The following CRACDL variants were observed in gnomAD, a reference collection of about 807,000 sequenced individuals.
CRACDL encodes CRACD-like protein.
CRACDL carries 26 observed loss-of-function variants against 70.6 expected under a neutral mutation model. That is an observed-to-expected ratio of 0.37 (90% CI 0.27 to 0.51). The LOEUF (loss-of-function observed/expected upper bound fraction) is 0.51, where lower values mean the gene tolerates loss of function less well. CRACDL is among the 20% of genes least tolerant of loss of function. The pLI, the probability that CRACDL is intolerant of heterozygous loss-of-function variation, is 0.94. For missense variants in CRACDL, 1,283 were observed against 1,376.9 expected, an observed-to-expected ratio of 0.93 and a Z score of 1.08; for synonymous variants, 618 against 615.2, an observed-to-expected ratio of 1.00 and a Z score of -0.07.
chr2:98,832,247 C>T (rs1705572861), intron 5 of CRACDL, 101 bp downstream of exon 5: 8 of 1,313,236 alleles, frequency 6.1e-6, no homozygotes, highest in Non-Finnish European at 7.7e-6. Flanking sequence ...ACACCATGCA[C>T]AGCCTGGAGA....
At chr2:98,883,077 A>G (rs1450445512) in intron 1 of CRACDL, among the ~76,000 whole-genome samples, 1 of 152,246 alleles carries the variant, frequency 6.6e-6, no homozygotes, top group Non-Finnish European at 1.5e-5. Flanking sequence ...GAAGCGTCTT[A>G]GAGTGAGACA....
chr2:98,850,172 AC>A (rs1706424225), intron 1 of CRACDL, among the ~76,000 whole-genome samples: 1 of 152,082 alleles, frequency 6.6e-6, no homozygotes, highest in African/African-American at 2.4e-5. Flanking sequence ...TTTCCAGCTG[AC>A]CCCTGTGCTT....
chr2:98,922,893 C>G (rs1447945115), intron 1 of CRACDL, among the ~76,000 whole-genome samples: 1 of 152,076 alleles, frequency 6.6e-6, no homozygotes, highest in African/African-American at 2.4e-5. Flanking sequence ...TGCCTGGAAG[C>G]TAAAAAGAAA....
intron 1 of CRACDL, among the ~76,000 whole-genome samples, chr2:98,896,953 G>C (rs12712040): frequency 0.35 from 53,541 of 151,914 alleles, 9,701 homozygotes; most frequent in African/African-American, 0.4. Context: ...AATATTTTGC[G>C]TTATTTCTAA....
At chr2:98,890,013 C>T (rs1043581685) in intron 1 of CRACDL, among the ~76,000 whole-genome samples, 2 of 152,030 alleles carry the variant, frequency 1.3e-5, no homozygotes, top group Non-Finnish European at 2.9e-5. Flanking sequence ...TAAAACAATG[C>T]TTGCAAGGAT....
At chr2:98,810,686 G>A (rs938670726) in intron 7 of CRACDL, among the ~76,000 whole-genome samples, 1 of 152,214 alleles carries the variant, frequency 6.6e-6, no homozygotes, top group Admixed American at 6.5e-5. Context: ...TGGAAGAAGT[G>A]TAAACCAGCA....
At chr2:98,877,841 G>C (rs1707526699) in intron 1 of CRACDL, among the ~76,000 whole-genome samples, 1 of 152,028 alleles carries the variant, frequency 6.6e-6, no homozygotes, top group African/African-American at 2.4e-5. Context: ...TCATATCCTA[G>C]GCTTTCATAT....
In CRACDL at chr2:98,832,888, C is replaced by A. The variant is rs753505052; in HGVS notation, c.349G>T (p.Val117Leu). The change falls in exon 4 of 10, where the codon GTG (valine) becomes TTG (leucine). Residue 117 changes from valine to leucine, a missense_variant. This residue lies in a region of CRACDL where 362 missense variants were observed against 495.0 expected (regional missense o/e 0.73). Transcript: ENST00000397899. ...TGCAGAGCTTTAATCCGATCACACA[C>A]ATTTTCTTGGGAAAACACCCGCACA... ...RPVRVFSQEN[V>L]CDRIKALQLK... is the part of the protein sequence containing the mutation. 2 of 1,614,090 alleles carry A rather than the reference C, an allele frequency of 1.2e-6. No homozygotes were observed. Among genetic ancestry groups the A allele is most frequent in the Non-Finnish European group, 8.5e-7 (1 of 1,180,040 alleles).
chr2:98,910,840 C>T (rs1708530175), intron 1 of CRACDL, among the ~76,000 whole-genome samples: 1 of 152,196 alleles, frequency 6.6e-6, no homozygotes, highest in Admixed American at 6.5e-5. Flanking sequence ...AATGTGGTGC[C>T]TCCTCTTACG....
At chr2:98,868,321 G>A (rs1331867813) in intron 1 of CRACDL, among the ~76,000 whole-genome samples, 2 of 152,262 alleles carry the variant, frequency 1.3e-5, no homozygotes, top group African/African-American at 2.4e-5. Context: ...TCCCAAGACC[G>A]TTCGCCCAGC....
At chr2:98,832,286 A>C (rs925796312) in intron 5 of CRACDL, 62 bp downstream of exon 5, 1 of 1,580,114 alleles carries the variant, frequency 6.3e-7, no homozygotes, top group African/African-American at 1.3e-5. Context: ...GGGATCTCAG[A>C]GCTCCAGCAC....
chr2:98,843,760 G>C (rs1010573385), intron 2 of CRACDL, among the ~76,000 whole-genome samples: 2 of 152,048 alleles, frequency 1.3e-5, no homozygotes, highest in African/African-American at 2.4e-5. Flanking sequence ...CTTGATTACT[G>C]CAGCTTTATA....
At chr2:98,807,151 T>C (rs376175533) in intron 7 of CRACDL, among the ~76,000 whole-genome samples, 10 of 152,320 alleles carry the variant, frequency 6.6e-5, no homozygotes, top group Admixed American at 1.3e-4. Flanking sequence ...TGGAACAAAG[T>C]GACTTGTCCA....
intron 1 of CRACDL, among the ~76,000 whole-genome samples, chr2:98,853,356 A>G (rs1706559663): frequency 1.3e-5 from 2 of 152,256 alleles, no homozygotes; most frequent in African/African-American, 2.4e-5. Flanking sequence ...TAGAAAACAA[A>G]GAACAACCCA....
chr2:98,867,918 A>G (rs1707207161), intron 1 of CRACDL, among the ~76,000 whole-genome samples: 1 of 152,168 alleles, frequency 6.6e-6, no homozygotes, highest in African/African-American at 2.4e-5. Context: ...TATGACTGAC[A>G]TTTCTGCAGC....
chr2:98,914,204 A>C (rs1708611986), intron 1 of CRACDL, among the ~76,000 whole-genome samples: 1 of 152,188 alleles, frequency 6.6e-6, no homozygotes, highest in Non-Finnish European at 1.5e-5. Context: ...GTGTTGGTGA[A>C]GCTCTTCACT....
chr2:98,808,626 G>A (rs573874809), intron 7 of CRACDL, among the ~76,000 whole-genome samples: 1 of 152,122 alleles, frequency 6.6e-6, no homozygotes, highest in Non-Finnish European at 1.5e-5. Flanking sequence ...TCTACCCCCA[G>A]GGCTGCCCAT....
intron 1 of CRACDL, among the ~76,000 whole-genome samples, chr2:98,874,533 A>T (rs948006877): frequency 1.3e-5 from 2 of 152,216 alleles, no homozygotes; most frequent in Non-Finnish European, 2.9e-5. Context: ...CACCCCTCCC[A>T]GTGTCCAGGA....
At chr2:98,833,139 G>T in intron 3 of CRACDL, 142 bp from the exon 4 acceptor site, 1 of 759,874 alleles carries the variant, frequency 1.3e-6, no homozygotes, top group Non-Finnish European at 2.1e-6. Context: ...AGTGGTCCCT[G>T]ACTTCAGTTC....
Sources: allele counts gnomAD v4.1 joint callset (sites outside exome capture counted in the v4.1 genomes callset), GRCh38; gene constraint gnomAD v4.1.1; regional missense constraint gnomAD v4.1.1; transcripts MANE v1.5; gene names NCBI Gene and HGNC (gene_info 2026-07-23, HGNC 2026-07-21).